The following MACROH2A1 variants were observed in gnomAD, a reference collection of about 807,000 sequenced individuals.
MACROH2A1 encodes the protein macroH2A.1 histone, also known as core histone macro-H2A.1.
A neutral mutation model predicts 31.6 loss-of-function variants in MACROH2A1; 2 were observed. The ratio of observed to expected loss-of-function variants is 0.06; its 90% CI spans 0.03 to 0.20. The LOEUF is 0.20. MACROH2A1 is among the 10% of genes least tolerant of loss of function. The pLI, the probability that MACROH2A1 is intolerant of heterozygous loss-of-function variation, is 1.00. For missense variants in MACROH2A1, 230 were observed against 474.0 expected (o/e 0.49, Z 4.78); for synonymous variants, 169 against 189.6 (o/e 0.89, Z 0.89).
chr5:135,357,927 A>G (rs1486186788), intron 5 of MACROH2A1: 2 of 985,072 alleles, frequency 2.0e-6, no homozygotes, highest in African/African-American at 1.7e-5. Context: ...AGCATGCACA[A>G]TATCACCTTT....
intron 6 of MACROH2A1, chr5:135,351,081 A>G: frequency 2.0e-6 from 1 of 509,998 alleles, no homozygotes; most frequent in Non-Finnish European, 3.5e-6. Flanking sequence ...GGGGGTGAGG[A>G]CAGGAGGAGG....
At chr5:135,386,533 T>C (rs1439247165) in intron 2 of MACROH2A1, among the ~76,000 whole-genome samples, 2 of 152,222 alleles carry the variant, frequency 1.3e-5, no homozygotes, top group African/African-American at 4.8e-5. Flanking sequence ...TCTGAGCTAC[T>C]TTTCCAGTGA....
intron 1 of MACROH2A1, among the ~76,000 whole-genome samples, chr5:135,390,397 A>C (rs759600279): frequency 6.6e-6 from 1 of 152,200 alleles, no homozygotes; most frequent in Non-Finnish European, 1.5e-5. Context: ...CATCCTGTTC[A>C]TTTATGCATT....
At position 135,335,152 on chromosome 5, in the gene MACROH2A1, G is replaced by A. The variant is rs766716830; in HGVS notation, c.954-11C>T. On this transcript the variant is annotated splice_polypyrimidine_tract_variant and intron_variant, in intron 8 of 8. Coordinates refer to ENST00000511689, the MANE Select transcript of MACROH2A1 (RefSeq NM_138610.3). Reference sequence around the variant, plus strand: ...TTTGGAAAACCGTTCCTGGAGAAGAGAAGATAAGCACTCAGCAACTGGGAT... The same window carrying A: ...TTTGGAAAACCGTTCCTGGAGAAGAAAAGATAAGCACTCAGCAACTGGGAT... The A allele has an allele frequency of 6.2e-7, 1 of 1,612,714 alleles. No individual in the cohort carries two copies. Among genetic ancestry groups the A allele is most frequent in the Non-Finnish European group, 8.5e-7 (1 of 1,178,758 alleles).
At chr5:135,346,736 G>C (rs1411076950) in intron 6 of MACROH2A1, 1 of 152,236 alleles carries the variant, frequency 6.6e-6, no homozygotes, top group Non-Finnish European at 1.5e-5. Flanking sequence ...ATTAATCTGT[G>C]TTCTATAAAA....
At chr5:135,358,232 G>A in intron 5 of MACROH2A1, 4 of 985,316 alleles carry the variant, frequency 4.1e-6, no homozygotes, top group Non-Finnish European at 4.8e-6. Flanking sequence ...ATGCTCTAAT[G>A]TATCAATGCT....
intron 1 of MACROH2A1, among the ~76,000 whole-genome samples, chr5:135,396,300 C>T (rs1561682973): frequency 6.6e-6 from 1 of 152,198 alleles, no homozygotes; most frequent in Non-Finnish European, 1.5e-5. Flanking sequence ...GTAGAATCCA[C>T]TCATTATTTG....
At chr5:135,394,858 T>C (rs1391670700) in intron 1 of MACROH2A1, among the ~76,000 whole-genome samples, 1 of 152,116 alleles carries the variant, frequency 6.6e-6, no homozygotes, top group African/African-American at 2.4e-5. Flanking sequence ...AGCTACAAGG[T>C]AGCTGATTAG....
intron 2 of MACROH2A1, among the ~76,000 whole-genome samples, chr5:135,379,550 A>C (rs1321205138): frequency 2.6e-5 from 4 of 152,168 alleles, no homozygotes; most frequent in Non-Finnish European, 5.9e-5. Context: ...GAGTTTATTT[A>C]TAGCTCTGAG....
chr5:135,343,618 C>A lies in MACROH2A1; in HGVS notation c.779-184G>T, dbSNP rs560455659. On this transcript the variant is annotated intron_variant, in intron 7 of 8. Transcript: ENST00000511689. ...CAACGTGAGCTGGAGCCAAGCCACA[C>A]CCTTGGAAAGTTGGCATTATGATGT... The A allele has an allele frequency of 8.2e-5, 76 of 930,160 alleles. 1 individual carries two copies. The African/African-American group carries it at 1.0e-3, about 13-fold the overall frequency. The allele number at this position is 930,160 out of a possible 1,614,324, so 57.6% of individuals were successfully genotyped here. A position where few individuals can be genotyped will look rare whatever the true frequency, so the allele number is the denominator to read the frequency against.
At position 135,345,694 on chromosome 5, in the gene MACROH2A1, A is replaced by AACTC. The variant is rs2149746974; in HGVS notation, c.778+270_778+273dup. On this transcript the variant is annotated intron_variant, in intron 7 of 8. Coordinates refer to ENST00000511689, the MANE Select transcript of MACROH2A1 (RefSeq NM_138610.3). Reference sequence around the variant, plus strand: ...TCACTCTCAGCTCTTAGATGTACCAAACTCAGCTCCTATAATTTCTTAAAA... The same window carrying AACTC: ...TCACTCTCAGCTCTTAGATGTACCAAACTCACTCAGCTCCTATAATTTCTTAAAA... The AACTC allele has an allele frequency of 7.7e-6, 3 of 391,522 alleles. No individual in the cohort carries two copies. The South Asian group carries it at 1.2e-4, about 15-fold the overall frequency. The allele number at this position is 391,522 out of a possible 1,614,324, so 24.3% of individuals were successfully genotyped here. A position where few individuals can be genotyped will look rare whatever the true frequency, so the allele number is the denominator to read the frequency against.
At chr5:135,337,872 T>C (rs1759055800) in intron 8 of MACROH2A1, 2 of 932,966 alleles carry the variant, frequency 2.1e-6, no homozygotes, top group Non-Finnish European at 2.7e-6. Context: ...TGGGTGAACA[T>C]GAATCTGGAT....
intron 5 of MACROH2A1, chr5:135,355,163 G>A (rs1228351398): frequency 6.6e-6 from 3 of 455,926 alleles, no homozygotes; most frequent in South Asian, 1.5e-5. Context: ...CTCTCTTCGC[G>A]GGAGAACCAC....
intron 2 of MACROH2A1, among the ~76,000 whole-genome samples, chr5:135,386,205 T>C (rs968839156): frequency 6.6e-6 from 1 of 152,018 alleles, no homozygotes; most frequent in Non-Finnish European, 1.5e-5. Flanking sequence ...TTCTGAGGGG[T>C]GGAACAGAGC....
At chr5:135,358,864 T>C in intron 5 of MACROH2A1, 1 of 985,000 alleles carries the variant, frequency 1.0e-6, no homozygotes. Context: ...CAGATGTATC[T>C]GAAAAGGAAG....
chr5:135,337,997 A>G, intron 8 of MACROH2A1: 1 of 1,200,610 alleles, frequency 8.3e-7, no homozygotes, highest in South Asian at 1.5e-5. Context: ...GCAGGCTGCC[A>G]GGAAGGAATG....
At chr5:135,391,598 G>A (rs1431071108) in intron 1 of MACROH2A1, among the ~76,000 whole-genome samples, 1 of 152,192 alleles carries the variant, frequency 6.6e-6, no homozygotes, top group African/African-American at 2.4e-5. Context: ...TGGCCGCTGA[G>A]CCTCAGAGCT....
intron 8 of MACROH2A1, chr5:135,343,011 C>A (rs562242741): frequency 2.2e-5 from 17 of 764,704 alleles, no homozygotes; most frequent in Middle Eastern, 4.2e-4. Flanking sequence ...CCAGTACACA[C>A]TGGGTTCCCC....
chr5:135,389,818 T>C (rs1276118984), intron 1 of MACROH2A1, among the ~76,000 whole-genome samples: 1 of 152,218 alleles, frequency 6.6e-6, no homozygotes, highest in South Asian at 2.1e-4. Flanking sequence ...ATCCTGGTCA[T>C]CACTATTTTA....
Sources: allele counts gnomAD v4.1 joint callset (sites outside exome capture counted in the v4.1 genomes callset), GRCh38; gene constraint gnomAD v4.1.1; transcripts MANE v1.5; gene names NCBI Gene and HGNC (gene_info 2026-07-23, HGNC 2026-07-21).